Variants in SDK1 observed in about 807,000 individuals in gnomAD.
SDK1 encodes the protein protein sidekick-1.
Under a neutral mutation model 245.5 loss-of-function variants are expected in SDK1, and 157 were observed. The observed-to-expected ratio is 0.64, with a 90% CI of 0.56 to 0.73. SDK1 has a LOEUF of 0.73. SDK1 is among the 30% of genes least tolerant of loss of function. SDK1 has a pLI of 0.00. For missense variants in SDK1, 3,583 were observed against 3,002.3 expected (o/e 1.19, Z -4.52); for synonymous variants, 1,647 against 1,278.5 (o/e 1.29, Z -6.15).
At chr7:4,174,598 G>A (rs1287298882) in intron 33 of SDK1, among the ~76,000 whole-genome samples, 1 of 152,158 alleles carries the variant, frequency 6.6e-6, no homozygotes, top group African/African-American at 2.4e-5. Flanking sequence ...TGTGTTAAGG[G>A]GAGAGCAGTT....
intron 1 of SDK1, among the ~76,000 whole-genome samples, chr7:3,575,554 T>C (rs543085447): frequency 6.6e-6 from 1 of 152,008 alleles, no homozygotes; most frequent in Non-Finnish European, 1.5e-5. Flanking sequence ...ACATTGGCTG[T>C]AGATAGTGCT....
Position 4,265,263 on chromosome 7 carries a change from C to G in SDK1, c.6521C>G (p.Ala2174Gly). ...GCGCCGCACAGGTACGAGGCGGTGGCGGGCTCCGAGGCGGGCGCGCAGCTG... is the reference window on the plus strand; with the variant it reads ...GCGCCGCACAGGTACGAGGCGGTGGGGGGCTCCGAGGCGGGCGCGCAGCTG... Reference protein sequence around the residue: ...APAPHRYEAVAGSEAGAQLHP... With the variant: ...APAPHRYEAVGGSEAGAQLHP... Residue 2174 changes from alanine to glycine, a missense_variant, in exon 45 of 45, where the codon GCG (alanine) becomes GGG (glycine). Ala to Gly is a moderately conservative substitution (Grantham distance 60). Coordinates refer to ENST00000404826, the MANE Select transcript of SDK1 (RefSeq NM_152744.4). The G allele has an allele frequency of 6.3e-7, 1 of 1,598,702 alleles. No homozygotes were observed. The highest frequency in any genetic ancestry group is 8.5e-7 in the Non-Finnish European group (1 of 1,176,908).
At chr7:3,508,308 ATTCTTC>A (rs202047832) in intron 1 of SDK1, among the ~76,000 whole-genome samples, 4 of 140,946 alleles carry the variant, frequency 2.8e-5, no homozygotes, top group Non-Finnish European at 4.6e-5. Context: ...TGACATCATC[ATTCTTC>A]TTCTTCTTCT....
chr7:3,330,087 T>C (rs1047546909), intron 1 of SDK1, among the ~76,000 whole-genome samples: 20 of 152,210 alleles, frequency 1.3e-4, no homozygotes, highest in Non-Finnish European at 2.4e-4. Context: ...ACCTTTTTTT[T>C]CCCATTTACC....
intron 1 of SDK1, among the ~76,000 whole-genome samples, chr7:3,384,673 C>A (rs10237577): frequency 0.47 from 71,931 of 152,052 alleles, 18,799 homozygotes; most frequent in East Asian, 0.61. Context: ...GCTTCCCTTG[C>A]CACATCGCGA....
intron 31 of SDK1, 25 bp from the exon 32 acceptor site, chr7:4,161,761 C>T (rs373093958): frequency 2.3e-5 from 37 of 1,605,748 alleles, no homozygotes; most frequent in Middle Eastern, 1.6e-4. Flanking sequence ...CCCTGACCCC[C>T]GCTTTCCTCT....
intron 43 of SDK1, among the ~76,000 whole-genome samples, chr7:4,242,890 C>T (rs1218101959): frequency 2.0e-5 from 3 of 152,196 alleles, no homozygotes; most frequent in East Asian, 1.9e-4. Flanking sequence ...CGCCGAGGCA[C>T]GGGTGGGCCT....
chr7:3,606,968 C>G (rs907337462), intron 1 of SDK1, among the ~76,000 whole-genome samples: 2 of 152,106 alleles, frequency 1.3e-5, no homozygotes, highest in African/African-American at 4.8e-5. Context: ...AATCAGGACA[C>G]TAATAAAGAA....
chr7:3,415,340 T>C (rs1190629439), intron 1 of SDK1, among the ~76,000 whole-genome samples: 2 of 152,110 alleles, frequency 1.3e-5, no homozygotes, highest in Non-Finnish European at 2.9e-5. Context: ...ACTTATATAG[T>C]GGAAGAGTGT....
chr7:4,123,059 G>T (rs1177409239), intron 25 of SDK1, among the ~76,000 whole-genome samples: 2 of 152,180 alleles, frequency 1.3e-5, no homozygotes, highest in Non-Finnish European at 2.9e-5. Flanking sequence ...CAGGGACGGG[G>T]TTGGCTCTCC....
At chr7:3,553,684 G>A (rs917078545) in intron 1 of SDK1, among the ~76,000 whole-genome samples, 1 of 152,146 alleles carries the variant, frequency 6.6e-6, no homozygotes, top group African/African-American at 2.4e-5. Flanking sequence ...CTGGGCTTCT[G>A]TGAAGCAATT....
chr7:3,436,913 C>G (rs1336770841), intron 1 of SDK1, among the ~76,000 whole-genome samples: 1 of 151,868 alleles, frequency 6.6e-6, no homozygotes, highest in Non-Finnish European at 1.5e-5. Flanking sequence ...GTATCTTTAC[C>G]TCATTATTTA....
intron 22 of SDK1, among the ~76,000 whole-genome samples, chr7:4,094,497 A>G (rs1782015759): frequency 1.3e-5 from 2 of 152,318 alleles, no homozygotes; most frequent in South Asian, 4.1e-4. Context: ...GTGCTGTGCT[A>G]GGCACAGGGG....
At chr7:3,343,420 A>G (rs148095052) in intron 1 of SDK1, among the ~76,000 whole-genome samples, 79 of 152,328 alleles carry the variant, frequency 5.2e-4, no homozygotes, top group African/African-American at 1.8e-3. Context: ...TATGTTGTAT[A>G]ATTCCATTGA....
chr7:3,821,401 G>A lies in SDK1; in HGVS notation c.714-49G>A. On this transcript the variant is annotated intron_variant, in intron 4 of 44. Transcript: ENST00000404826. ...CTAATTAATTTTGTCTTACAAGTAG[G>A]AAGTTCCCTGGAGTAGCTTTGACAC... 3.2e-6 allele frequency: 5 copies of A among 1,570,516 alleles called. 1 individual carries two copies. Among genetic ancestry groups the A allele is most frequent in the East Asian group, 2.3e-5 (1 of 43,266 alleles).
At chr7:3,475,425 C>A (rs1781322502) in intron 1 of SDK1, among the ~76,000 whole-genome samples, 1 of 152,216 alleles carries the variant, frequency 6.6e-6, no homozygotes, top group South Asian at 2.1e-4. Flanking sequence ...TCCAGAGCAG[C>A]GTTTCCACCC....
intron 5 of SDK1, among the ~76,000 whole-genome samples, chr7:3,916,450 G>A (rs1297478031): frequency 3.3e-5 from 5 of 152,102 alleles, no homozygotes; most frequent in Non-Finnish European, 7.4e-5. Context: ...CCTTGCACAC[G>A]TCTTAGTGCT....
At chr7:3,485,433 C>G (rs1460366321) in intron 1 of SDK1, among the ~76,000 whole-genome samples, 2 of 151,984 alleles carry the variant, frequency 1.3e-5, no homozygotes, top group Non-Finnish European at 2.9e-5. Context: ...AATGCCAAGT[C>G]CCACACTCAC....
At position 3,967,448 on chromosome 7, in the gene SDK1, A is replaced by T; in HGVS notation, c.1546+14A>T. On this transcript the variant is annotated intron_variant, in intron 10 of 44. Coordinates refer to ENST00000404826, the MANE Select transcript of SDK1 (RefSeq NM_152744.4). ...CCTGGAAAAGAGGTGGGTAGCATCC[A>T]CTGCCCACAACAGCATGGCCCATGT... 1 of 1,469,912 alleles carries T rather than the reference A, an allele frequency of 6.8e-7. No individual in the cohort carries two copies. Among genetic ancestry groups the T allele is most frequent in the South Asian group, 1.1e-5 (1 of 88,264 alleles). 91.1% of individuals were successfully genotyped at this position (1,469,912 alleles called of 1,614,324 possible).
Sources: allele counts gnomAD v4.1 joint callset (sites outside exome capture counted in the v4.1 genomes callset), GRCh38; gene constraint gnomAD v4.1.1; transcripts MANE v1.5; gene names NCBI Gene and HGNC (gene_info 2026-07-23, HGNC 2026-07-21).